The following NR3C2 variants were observed in gnomAD, a reference collection of about 807,000 sequenced individuals.
NR3C2 encodes nuclear receptor subfamily 3 group C member 2, also known as mineralocorticoid receptor.
NR3C2 carries 15 observed loss-of-function variants against 86.4 expected under a neutral mutation model. The observed-to-expected ratio is 0.17, with a 90% CI of 0.12 to 0.27. The LOEUF is 0.27. Among genes scored for constraint, NR3C2 ranks in the 10% least tolerant of loss-of-function variants. The pLI, the probability that NR3C2 is intolerant of heterozygous loss-of-function variation, is 1.00. For missense variants in NR3C2, 960 were observed against 1,195.6 expected (o/e 0.80, Z 2.91); for synonymous variants, 458 against 450.5 (o/e 1.02, Z -0.21).
chr4:148,101,983 A>G (rs1277268362), intron 8 of NR3C2, among the ~76,000 whole-genome samples: 3 of 152,148 alleles, frequency 2.0e-5, no homozygotes, highest in East Asian at 3.9e-4. Flanking sequence ...TCGATCCACT[A>G]TTCTTCACAA....
At position 148,168,352 on chromosome 4, in the gene NR3C2, T is replaced by C. The variant is rs151297475; in HGVS notation, c.2015-13451A>G. On this transcript the variant is annotated intron_variant, in intron 4 of 8. Transcript: ENST00000358102. ...CCAAATTGCAAGCACTCTAAGAGAA[T>C]GAGAGCCTTCTAGACCCAGAAAGGA... is the stretch of plus-strand genomic sequence containing the variant. 7.3e-3 allele frequency among the ~76,000 whole-genome samples: 1,117 copies of C among 152,308 alleles called. 11 individuals carry two copies. Among genetic ancestry groups the C allele is most frequent in the Non-Finnish European group, 0.01 (694 of 68,002 alleles).
At chr4:148,127,585 C>G (rs1050864885) in intron 6 of NR3C2, among the ~76,000 whole-genome samples, 12 of 152,308 alleles carry the variant, frequency 7.9e-5, no homozygotes, top group African/African-American at 2.9e-4. Flanking sequence ...ACCTGAGTAA[C>G]TAACAGCTGC....
At chr4:148,124,613 T>G (rs1172551282) in intron 6 of NR3C2, among the ~76,000 whole-genome samples, 1 of 152,224 alleles carries the variant, frequency 6.6e-6, no homozygotes, top group Non-Finnish European at 1.5e-5. Flanking sequence ...TTATTCAACT[T>G]GCATACGTAA....
chr4:148,241,170 G>A (rs2149847792), intron 3 of NR3C2, among the ~76,000 whole-genome samples: 1 of 151,616 alleles, frequency 6.6e-6, no homozygotes, highest in South Asian at 2.1e-4. Flanking sequence ...GCTAGGCATG[G>A]TGGCGCACAC....
At chr4:148,368,235 C>T (rs939604045) in intron 2 of NR3C2, 2 of 152,172 alleles carry the variant, frequency 1.3e-5, no homozygotes, top group Admixed American at 6.5e-5. Flanking sequence ...CCCCACAAAC[C>T]CCAGCTGAGA....
chr4:148,416,197 T>C, intron 2 of NR3C2, among the ~76,000 whole-genome samples: 1 of 152,232 alleles, frequency 6.6e-6, no homozygotes. Context: ...TTTTGTAAAT[T>C]ATGCTAAATT....
At chr4:148,168,108 A>C (rs1321813923) in intron 4 of NR3C2, among the ~76,000 whole-genome samples, 1 of 152,228 alleles carries the variant, frequency 6.6e-6, no homozygotes, top group African/African-American at 2.4e-5. Flanking sequence ...CATACTCCAG[A>C]AATAGACTCC....
intron 6 of NR3C2, among the ~76,000 whole-genome samples, chr4:148,142,889 G>A (rs567020067): frequency 5.9e-5 from 9 of 152,106 alleles, no homozygotes; most frequent in Middle Eastern, 3.2e-3. Flanking sequence ...AAAGTGTGTG[G>A]CGCATCCCCC....
intron 2 of NR3C2, among the ~76,000 whole-genome samples, chr4:148,309,418 G>A (rs1742798483): frequency 6.6e-6 from 1 of 151,674 alleles, no homozygotes. Flanking sequence ...AAGATGCAGT[G>A]TTTTTATGAA....
At chr4:148,200,918 A>G (rs754964900) in intron 3 of NR3C2, 1 of 152,152 alleles carries the variant, frequency 6.6e-6, no homozygotes, top group Non-Finnish European at 1.5e-5. Flanking sequence ...CTTCAATTTA[A>G]AAGTTATTAA....
chr4:148,376,609 C>G (rs1347540573), intron 2 of NR3C2, among the ~76,000 whole-genome samples: 1 of 152,170 alleles, frequency 6.6e-6, no homozygotes, highest in Non-Finnish European at 1.5e-5. Context: ...TGCAACCTAT[C>G]TATTAATTTA....
chr4:148,253,297 T>C (rs1026638922), intron 3 of NR3C2, among the ~76,000 whole-genome samples: 1 of 152,130 alleles, frequency 6.6e-6, no homozygotes, highest in African/African-American at 2.4e-5. Context: ...TTAACATTCA[T>C]AATAATCAAG....
intron 8 of NR3C2, among the ~76,000 whole-genome samples, chr4:148,097,741 G>GTTTTTTTTTTTTTT (rs1180902227): frequency 1.9e-5 from 2 of 107,504 alleles, no homozygotes; most frequent in African/African-American, 8.7e-5. Flanking sequence ...ACTTTTTTGC[G>GTTTTTTTTTTTTTT]TTTTTTTTTG....
intron 2 of NR3C2, among the ~76,000 whole-genome samples, chr4:148,339,897 T>C (rs1388311390): frequency 6.6e-6 from 1 of 152,086 alleles, no homozygotes; most frequent in Non-Finnish European, 1.5e-5. Flanking sequence ...AGCACTTATA[T>C]AAGCCAACAG....
At chr4:148,267,476 A>G (rs1025412397) in intron 2 of NR3C2, among the ~76,000 whole-genome samples, 1 of 152,128 alleles carries the variant, frequency 6.6e-6, no homozygotes. Context: ...TAATTCTACC[A>G]TTCTGTATTA....
chr4:148,383,509 T>A (rs1300332700), intron 2 of NR3C2, among the ~76,000 whole-genome samples: 1 of 152,192 alleles, frequency 6.6e-6, no homozygotes, highest in African/African-American at 2.4e-5. Context: ...GCTGCAATTT[T>A]ATGAAGTTTT....
chr4:148,141,446 T>TCACA (rs763844203), intron 6 of NR3C2, among the ~76,000 whole-genome samples: 2,331 of 149,382 alleles, frequency 0.016, 53 homozygotes, highest in African/African-American at 0.046. Context: ...TCCCTCTCTC[T>TCACA]CACACACACA....
upstream of NR3C2, chr4:148,444,282 C>A: frequency 2.0e-6 from 2 of 985,442 alleles, no homozygotes; most frequent in Non-Finnish European, 2.4e-6. Flanking sequence ...CCCTGGATCT[C>A]AGCTTCTTGC....
chr4:148,100,938 A>G (rs1181711417), intron 8 of NR3C2, among the ~76,000 whole-genome samples: 1 of 152,228 alleles, frequency 6.6e-6, no homozygotes, highest in Non-Finnish European at 1.5e-5. Context: ...GGAGGACATT[A>G]TGCTAAGTGA....
Sources: allele counts gnomAD v4.1 joint callset (sites outside exome capture counted in the v4.1 genomes callset), GRCh38; gene constraint gnomAD v4.1.1; transcripts MANE v1.5; gene names NCBI Gene and HGNC (gene_info 2026-07-23, HGNC 2026-07-21).